MYOD1: variants seen among roughly 807,000 people sequenced by gnomAD.
The protein encoded by MYOD1 is myogenic differentiation 1, also known as myoblast determination protein 1.
A neutral mutation model predicts 14.9 loss-of-function variants in MYOD1; 15 were observed. The ratio of observed to expected loss-of-function variants is 1.01; its 90% CI spans 0.67 to 1.55. The LOEUF is 1.55. MYOD1 is among the 40% of genes most tolerant of loss of function. The pLI is 0.00. For missense variants in MYOD1, 529 were observed against 482.6 expected, an observed-to-expected ratio of 1.10 and a Z score of -0.90; for synonymous variants, 235 against 218.6, an observed-to-expected ratio of 1.07 and a Z score of -0.66.
Position 17,721,697 on chromosome 11 carries a change from G to T in MYOD1, c.*189G>T, listed in dbSNP as rs1848640481. 5.1e-6 allele frequency: 3 copies of T among 586,384 alleles called. No homozygotes were observed. Among genetic ancestry groups the T allele is most frequent in the Non-Finnish European group, 5.5e-6 (2 of 366,106 alleles). The allele number at this position is 586,384 out of a possible 1,614,324, so 36.3% of individuals were successfully genotyped here. On this transcript the variant is annotated 3_prime_UTR_variant, in exon 3 of 3. Transcript: ENST00000250003. This position sits in a 1 kb window ranked among gnomAD's most constrained non-coding sequence, Gnocchi z 6.2. The stretch of plus-strand genomic sequence containing the variant: ...AAGGACACAGCGCGGTTTTTTCCAC[G>T]CAGCACCCTTCTCGGAGACCCATTG...
Position 17,720,094 on chromosome 11 carries a change from G to C in MYOD1, c.312G>C (p.Lys104Asn), listed in dbSNP as rs1463771360. 6.3e-7 allele frequency: 1 copy of C among 1,574,910 alleles called. No homozygotes were observed. Among genetic ancestry groups the C allele is most frequent in the African/African-American group, 1.4e-5 (1 of 73,798 alleles). Residue 104 changes from lysine to asparagine, a missense_variant, in exon 1 of 3, where the codon AAG becomes AAC. Transcript: ENST00000250003. ...GGGCCTGCAAGGCGTGCAAGCGCAAGACCACCAACGCCGACCGCCGCAAGG... is the reference window on the plus strand; with the variant it reads ...GGGCCTGCAAGGCGTGCAAGCGCAACACCACCAACGCCGACCGCCGCAAGG... ...LLWACKACKR[K>N]TTNADRRKAA...
rs755476517 is a variant in MYOD1, at chr11:17,719,807, C to T, written c.25C>T (p.Arg9Cys). 5 of 1,613,270 alleles carry T rather than the reference C, an allele frequency of 3.1e-6. No individual in the cohort carries two copies. Among genetic ancestry groups the T allele is most frequent in the Non-Finnish European group, 4.2e-6 (5 of 1,179,916 alleles). The part of the protein sequence containing the change: MELLSPPL[R>C]DVDLTAPDGS... ...TATGGAGCTACTGTCGCCACCGCTCCGCGACGTAGACCTGACGGCCCCCGA... is the reference window on the plus strand; with the variant it reads ...TATGGAGCTACTGTCGCCACCGCTCTGCGACGTAGACCTGACGGCCCCCGA... The change falls in exon 1 of 3, where the codon CGC (arginine) becomes TGC (cysteine). Residue 9 changes from arginine to cysteine, a missense_variant. Arg to Cys is a radical substitution (Grantham distance 180, BLOSUM62 -3). Coordinates refer to ENST00000250003, the MANE Select transcript of MYOD1 (RefSeq NM_002478.5).
chr11:17,721,492 T>C lies in MYOD1; in HGVS notation c.947T>C (p.Ile316Thr). The stretch of plus-strand genomic sequence containing the variant: ...CCTGCGGGTGCGAACCCCAACCCGA[T>C]ATACCAGGTGCTCTGAGGGGATGGT... ...QCPAGANPNP[I>T]YQVL Residue 316 changes from isoleucine to threonine, a missense_variant, in exon 3 of 3, where the codon ATA becomes ACA. Coordinates refer to ENST00000250003, the MANE Select transcript of MYOD1 (RefSeq NM_002478.5). This position sits in a 1 kb window ranked among gnomAD's most constrained non-coding sequence, Gnocchi z 6.2. 6.4e-7 allele frequency: 1 copy of C among 1,564,444 alleles called. No individual in the cohort carries two copies. Among genetic ancestry groups the C allele is most frequent in the Non-Finnish European group, 8.6e-7 (1 of 1,160,216 alleles).
At position 17,719,808 on chromosome 11, in the gene MYOD1, G is replaced by C; in HGVS notation, c.26G>C (p.Arg9Pro). The C allele has an allele frequency of 1.2e-6, 2 of 1,613,240 alleles. No individual in the cohort carries two copies. The highest frequency in any genetic ancestry group is 1.7e-6 in the Non-Finnish European group (2 of 1,179,910). Residue 9 changes from arginine (R) to proline (P), a missense_variant, in exon 1 of 3, where the codon CGC becomes CCC. Arg to Pro is a moderately radical substitution (Grantham distance 103). Coordinates refer to ENST00000250003, the MANE Select transcript of MYOD1 (RefSeq NM_002478.5). ...ATGGAGCTACTGTCGCCACCGCTCC[G>C]CGACGTAGACCTGACGGCCCCCGAC... Reference protein sequence around the residue: MELLSPPLRDVDLTAPDGS... With the variant: MELLSPPLPDVDLTAPDGS...
chr11:17,720,998 C>G lies in MYOD1; in HGVS notation c.709+18C>G. The stretch of plus-strand genomic sequence containing the variant: ...GCCCAGCGGTGGGTATTCCGGGCCT[C>G]TCCCTGCTCGCTCCTCCTCCTTCAT... On this transcript the variant is annotated intron_variant, in intron 2 of 2. Transcript: ENST00000250003. 4 of 1,565,912 alleles carry G rather than the reference C, an allele frequency of 2.6e-6. No homozygotes were observed. The highest frequency in any genetic ancestry group is 3.5e-6 in the Non-Finnish European group (4 of 1,156,118).
In MYOD1 at chr11:17,719,705, C is replaced by A. The variant is rs943976379; in HGVS notation, c.-78C>A. On this transcript the variant is annotated 5_prime_UTR_variant, in exon 1 of 3. Coordinates refer to ENST00000250003, the MANE Select transcript of MYOD1 (RefSeq NM_002478.5). The stretch of plus-strand genomic sequence containing the variant: ...CTTTGCTATCTACAGCCGGGGCTCC[C>A]GAGCGGCAGAAAGTTCCGGCCACTC... 1.3e-6 allele frequency: 2 copies of A among 1,523,724 alleles called. No homozygotes were observed. Among genetic ancestry groups the A allele is most frequent in the Admixed American group, 2.1e-5 (1 of 48,526 alleles). 94.4% of individuals were successfully genotyped at this position (1,523,724 alleles called of 1,614,324 possible). A position where few individuals can be genotyped will look rare whatever the true frequency, so the allele number is the denominator to read the frequency against.
chr11:17,719,947 G>C lies in MYOD1; in HGVS notation c.165G>C (p.Ala55=), dbSNP rs143206427. The C allele has an allele frequency of 1.9e-6, 3 of 1,613,504 alleles. No individual in the cohort carries two copies. Among genetic ancestry groups the C allele is most frequent in the African/African-American group, 1.3e-5 (1 of 74,904 alleles). Residue 55 remains alanine, a synonymous_variant, in exon 1 of 3, where the codon GCG becomes GCC. Coordinates refer to ENST00000250003, the MANE Select transcript of MYOD1 (RefSeq NM_002478.5). ...ACCCGCGCCTGATGCACGTGGGCGC[G>C]CTCCTGAAACCCGAAGAGCACTCGC... ...DLDPRLMHVG[A]LLKPEEHSHF...
At position 17,720,926 on chromosome 11, in the gene MYOD1, G is replaced by T; in HGVS notation, c.655G>T (p.Gly219Cys). 6.2e-7 allele frequency: 1 copy of T among 1,611,512 alleles called. No homozygotes were observed. The highest frequency in any genetic ancestry group is 8.5e-7 in the Non-Finnish European group (1 of 1,179,522). The change falls in exon 2 of 3, where the codon GGC becomes TGC. Residue 219 changes from glycine (G) to cysteine (C), a missense_variant. Gly to Cys is a radical substitution (Grantham distance 159). Coordinates refer to ENST00000250003, the MANE Select transcript of MYOD1 (RefSeq NM_002478.5). Reference protein sequence around the residue: ...GMMDYSGPPSGARRRNCYEGA... With the variant: ...GMMDYSGPPSCARRRNCYEGA... ...GATGGACTACAGCGGCCCCCCGAGC[G>T]GCGCCCGGCGGCGGAACTGCTACGA...
chr11:17,721,170 C>A lies in MYOD1; in HGVS notation c.710-85C>A. 6.9e-7 allele frequency: 1 copy of A among 1,441,682 alleles called. No individual in the cohort carries two copies. Among genetic ancestry groups the A allele is most frequent in the South Asian group, 1.5e-5 (1 of 68,214 alleles). 89.3% of individuals were successfully genotyped at this position (1,441,682 alleles called of 1,614,324 possible). On this transcript the variant is annotated intron_variant, in intron 2 of 2. Coordinates refer to ENST00000250003, the MANE Select transcript of MYOD1 (RefSeq NM_002478.5). This position sits in a 1 kb window ranked among gnomAD's most constrained non-coding sequence, Gnocchi z 6.2. ...GACTCTAACTAAAGTCCTCAGTTTC[C>A]AATCTGTCTCAAAGTACTGGGCCCG... is the stretch of plus-strand genomic sequence containing the variant.
Position 17,721,064 on chromosome 11 carries a change from C to T in MYOD1, c.709+84C>T, listed in dbSNP as rs1347213504. On this transcript the variant is annotated intron_variant, in intron 2 of 2. Transcript: ENST00000250003. This position sits in a 1 kb window ranked among gnomAD's most constrained non-coding sequence, Gnocchi z 6.2. The stretch of plus-strand genomic sequence containing the variant: ...TCTATCTAGGACGCTCCCACCCCCA[C>T]TCACACACGCCTATGTCCTGGGAAG... The T allele has an allele frequency of 2.1e-6, 3 of 1,428,558 alleles. No homozygotes were observed. The East Asian group carries it at 7.6e-5, about 36-fold the overall frequency. 88.5% of individuals were successfully genotyped at this position (1,428,558 alleles called of 1,614,324 possible).
At chr11:17,720,748 T>G (rs960492686) in intron 1 of MYOD1, among the ~76,000 whole-genome samples, 154 bp from the exon 2 acceptor site, 1 of 152,070 alleles carries the variant, frequency 6.6e-6, no homozygotes, top group Non-Finnish European at 1.5e-5. Context: ...AGACCTCATC[T>G]CCTACCCACC....
At position 17,720,937 on chromosome 11, in the gene MYOD1, G is replaced by A. The variant is rs767320345; in HGVS notation, c.666G>A (p.Arg222=). The stretch of plus-strand genomic sequence containing the variant: ...GCGGCCCCCCGAGCGGCGCCCGGCG[G>A]CGGAACTGCTACGAAGGCGCCTACT... ...DYSGPPSGAR[R]RNCYEGAYYN... is the part of the protein sequence containing the mutation. The change falls in exon 2 of 3, where the codon CGG becomes CGA. Residue 222 remains arginine (R), a synonymous_variant. Transcript: ENST00000250003. 1 of 1,610,638 alleles carries A rather than the reference G, an allele frequency of 6.2e-7. No homozygotes were observed. Among genetic ancestry groups the A allele is most frequent in the South Asian group, 1.1e-5 (1 of 90,544 alleles).
chr11:17,719,668 A>G lies in MYOD1; in HGVS notation c.-115A>G. 2 of 1,339,078 alleles carry G rather than the reference A, an allele frequency of 1.5e-6. No individual in the cohort carries two copies. Among genetic ancestry groups the G allele is most frequent in the Non-Finnish European group, 2.0e-6 (2 of 988,948 alleles). 82.9% of individuals were successfully genotyped at this position (1,339,078 alleles called of 1,614,324 possible). The stretch of plus-strand genomic sequence containing the variant: ...GGTGGGGGACAGTGGGTGGGCATTC[A>G]GACTGCCAGCACTTTGCTATCTACA... On this transcript the variant is annotated 5_prime_UTR_variant, in exon 1 of 3. Transcript: ENST00000250003.
In MYOD1 at chr11:17,721,883, G is replaced by A. The variant is rs183016031; in HGVS notation, c.*375G>A. 3.1e-5 allele frequency: 9 copies of A among 288,012 alleles called. No individual in the cohort carries two copies. The highest frequency in any genetic ancestry group is 1.7e-4 in the African/African-American group (8 of 47,188). 17.8% of individuals were successfully genotyped at this position (288,012 alleles called of 1,614,324 possible). A position where few individuals can be genotyped will look rare whatever the true frequency, so the allele number is the denominator to read the frequency against. On this transcript the variant is annotated 3_prime_UTR_variant, in exon 3 of 3. Coordinates refer to ENST00000250003, the MANE Select transcript of MYOD1 (RefSeq NM_002478.5). The surrounding 1 kb of genome is among the most constrained non-coding windows in gnomAD (Gnocchi z 6.2). ...GGGGGCGTGAGACCCAGTGCACTCC[G>A]GTCCCAAATGTAGCAGGTGTAACCG...
In MYOD1 at chr11:17,721,266, G is replaced by C; in HGVS notation, c.721G>C (p.Gly241Arg). 6.4e-7 allele frequency: 1 copy of C among 1,559,592 alleles called. No homozygotes were observed. The highest frequency in any genetic ancestry group is 1.8e-5 in the Admixed American group (1 of 54,626). The change falls in exon 3 of 3, where the codon GGG becomes CGG. Residue 241 changes from glycine (G) to arginine (R), a missense_variant. Coordinates refer to ENST00000250003, the MANE Select transcript of MYOD1 (RefSeq NM_002478.5). This position sits in a 1 kb window ranked among gnomAD's most constrained non-coding sequence, Gnocchi z 6.2. ...YNEAPSEPRP[G>R]KSAAVSSLDC... ...CCCTCCCCGCGCAGAACCCAGGCCC[G>C]GGAAGAGTGCGGCGGTGTCGAGCCT...
In MYOD1 at chr11:17,720,029, G is replaced by C. The variant is rs1848620583; in HGVS notation, c.247G>C (p.Ala83Pro). Residue 83 changes from alanine to proline, a missense_variant, in exon 1 of 3, where the codon GCG becomes CCG. Physicochemically the swap from Ala to Pro is conservative, Grantham distance 27. Transcript: ENST00000250003. ...CGCACGTGAGGACGAGCATGTGCGC[G>C]CGCCCAGCGGGCACCACCAGGCGGG... Reference protein sequence around the residue: ...PGAREDEHVRAPSGHHQAGRC... With the variant: ...PGAREDEHVRPPSGHHQAGRC... 1 of 1,583,094 alleles carries C rather than the reference G, an allele frequency of 6.3e-7. No individual in the cohort carries two copies. The highest frequency in any genetic ancestry group is 2.3e-5 in the East Asian group (1 of 42,842).
chr11:17,720,114 G>GC lies in MYOD1; in HGVS notation c.333dup (p.Lys112GlnfsTer16). 1 of 1,586,014 alleles carries GC rather than the reference G, an allele frequency of 6.3e-7. No individual in the cohort carries two copies. Among genetic ancestry groups the GC allele is most frequent in the Non-Finnish European group, 8.6e-7 (1 of 1,166,810 alleles). On this transcript the variant is annotated frameshift_variant, in exon 1 of 3. Transcript: ENST00000250003. LOFTEE classifies it high-confidence loss of function. ...CGCAAGACCACCAACGCCGACCGCC[G>GC]CAAGGCCGCCACCATGCGCGAGCGG...
chr11:17,720,861 C>A (rs1303752790), intron 1 of MYOD1, 41 bp from the exon 2 acceptor site: 1 of 1,590,692 alleles, frequency 6.3e-7, no homozygotes, highest in Non-Finnish European at 8.6e-7. Flanking sequence ...GGGCCTCGAG[C>A]CGTCCCGCGG....
chr11:17,720,066 T>C lies in MYOD1; in HGVS notation c.284T>C (p.Leu95Pro), dbSNP rs770528119. 1 of 1,572,656 alleles carries C rather than the reference T, an allele frequency of 6.4e-7. No homozygotes were observed. Among genetic ancestry groups the C allele is most frequent in the South Asian group, 1.1e-5 (1 of 87,364 alleles). ...SGHHQAGRCL[L>P]WACKACKRKT... ...CACCACCAGGCGGGCCGCTGCCTAC[T>C]GTGGGCCTGCAAGGCGTGCAAGCGC... is the stretch of plus-strand genomic sequence containing the variant. The change falls in exon 1 of 3, where the codon CTG becomes CCG. Residue 95 changes from leucine (L) to proline (P), a missense_variant. Leu to Pro is a moderately conservative substitution (Grantham distance 98, BLOSUM62 -3). Coordinates refer to ENST00000250003, the MANE Select transcript of MYOD1 (RefSeq NM_002478.5).
Sources: allele counts gnomAD v4.1 joint callset (sites outside exome capture counted in the v4.1 genomes callset), GRCh38; gene constraint gnomAD v4.1.1; non-coding constraint Gnocchi (gnomAD v3.1); transcripts MANE v1.5; gene names NCBI Gene and HGNC (gene_info 2026-07-23, HGNC 2026-07-21).